LRFN5: variants seen among roughly 807,000 people sequenced by gnomAD.
The protein encoded by LRFN5 is leucine-rich repeat and fibronectin type-III domain-containing protein 5.
In LRFN5, 24 loss-of-function variants were observed where a neutral mutation model predicts 45.6. The ratio of observed to expected loss-of-function variants is 0.53; its 90% CI spans 0.38 to 0.74. LRFN5 has a LOEUF of 0.74. LRFN5 is among the 30% of genes least tolerant of loss of function. The pLI, the probability that LRFN5 is intolerant of heterozygous loss-of-function variation, is 0.00. For synonymous variants in LRFN5, 340 were observed against 313.8 expected (o/e 1.08, Z -0.88); for missense variants, 776 against 861.5 (o/e 0.90, Z 1.24).
intron 2 of LRFN5, among the ~76,000 whole-genome samples, chr14:41,804,067 T>A (rs1383796293): frequency 6.6e-6 from 1 of 152,088 alleles, no homozygotes; most frequent in East Asian, 1.9e-4. Flanking sequence ...TTTCACCATG[T>A]TGGCTAGGCT....
intron 2 of LRFN5, among the ~76,000 whole-genome samples, chr14:41,880,351 T>C (rs891253436): frequency 3.3e-5 from 5 of 152,130 alleles, no homozygotes; most frequent in Non-Finnish European, 5.9e-5. Flanking sequence ...CTCTTTTGTA[T>C]TTATTTTCTA....
intron 1 of LRFN5, among the ~76,000 whole-genome samples, chr14:41,759,273 T>C (rs1885545376): frequency 6.6e-6 from 1 of 152,192 alleles, no homozygotes; most frequent in Non-Finnish European, 1.5e-5. Context: ...CCATACTCCA[T>C]GTGGTCCTTA....
chr14:41,858,643 T>G (rs1889556853), intron 2 of LRFN5, among the ~76,000 whole-genome samples: 2 of 152,302 alleles, frequency 1.3e-5, no homozygotes, highest in Admixed American at 6.5e-5. Flanking sequence ...TTTCTTATCT[T>G]TGTCCTCTGA....
At chr14:41,703,077 G>C (rs1394587904) in intron 1 of LRFN5, among the ~76,000 whole-genome samples, 1 of 152,050 alleles carries the variant, frequency 6.6e-6, no homozygotes, top group African/African-American at 2.4e-5. Context: ...TATAAACTAG[G>C]AATATTTTAA....
chr14:41,854,947 C>T (rs1240702618), intron 2 of LRFN5, among the ~76,000 whole-genome samples: 1 of 152,134 alleles, frequency 6.6e-6, no homozygotes, highest in Non-Finnish European at 1.5e-5. Context: ...TGGCAAGGAA[C>T]CGTGACTGCA....
chr14:41,847,863 C>T (rs1889123123), intron 2 of LRFN5, among the ~76,000 whole-genome samples: 1 of 152,028 alleles, frequency 6.6e-6, no homozygotes, highest in Non-Finnish European at 1.5e-5. Flanking sequence ...GAATTTTTCA[C>T]GCCATTATAT....
intron 1 of LRFN5, among the ~76,000 whole-genome samples, chr14:41,723,009 C>G (rs1883789597): frequency 1.3e-5 from 2 of 152,170 alleles, no homozygotes; most frequent in Admixed American, 1.3e-4. Context: ...ACCTCCTTGG[C>G]CCCAAGCTCT....
chr14:41,779,253 C>CT (rs564256285), intron 2 of LRFN5, among the ~76,000 whole-genome samples: 158 of 151,764 alleles, frequency 1.0e-3, no homozygotes, highest in African/African-American at 3.6e-3. Flanking sequence ...GTTGATATGA[C>CT]TTTTTTTGTT....
At chr14:41,718,265 C>T (rs1883571596) in intron 1 of LRFN5, among the ~76,000 whole-genome samples, 1 of 152,106 alleles carries the variant, frequency 6.6e-6, no homozygotes, top group South Asian at 2.1e-4. Flanking sequence ...AATAGATTCA[C>T]AATAATATGA....
chr14:41,879,359 A>T (rs975656099), intron 2 of LRFN5, among the ~76,000 whole-genome samples: 19 of 147,870 alleles, frequency 1.3e-4, no homozygotes, highest in South Asian at 4.2e-4. Flanking sequence ...TTCCTTTTTT[A>T]AAAAAAATTA....
intron 2 of LRFN5, among the ~76,000 whole-genome samples, chr14:41,880,273 AT>A (rs202210322): frequency 0.074 from 11,241 of 151,620 alleles, 500 homozygotes; most frequent in Middle Eastern, 0.16. Flanking sequence ...TATTATTTCT[AT>A]TTTTTGATCT....
At chr14:41,734,319 T>C (rs1477752335) in intron 1 of LRFN5, among the ~76,000 whole-genome samples, 1 of 61,712 alleles carries the variant, frequency 1.6e-5, no homozygotes, top group South Asian at 5.3e-4. Context: ...ACTGGTTTTA[T>C]ATATATATAT....
intron 1 of LRFN5, among the ~76,000 whole-genome samples, chr14:41,753,694 C>T (rs1435384464): frequency 1.3e-5 from 2 of 152,144 alleles, no homozygotes; most frequent in African/African-American, 4.8e-5. Context: ...TCTAGATAAA[C>T]AATCATGTCA....
At chr14:41,673,541 C>A (rs1409358666) in intron 1 of LRFN5, among the ~76,000 whole-genome samples, 1 of 147,690 alleles carries the variant, frequency 6.8e-6, no homozygotes, top group African/African-American at 2.5e-5. Flanking sequence ...CACCCCTCAC[C>A]TCCCGGACGG....
At chr14:41,812,765 A>G (rs1388237073) in intron 2 of LRFN5, among the ~76,000 whole-genome samples, 1 of 152,166 alleles carries the variant, frequency 6.6e-6, no homozygotes, top group Non-Finnish European at 1.5e-5. Flanking sequence ...TGATGAAACA[A>G]TGTTTTAAAT....
intron 1 of LRFN5, among the ~76,000 whole-genome samples, chr14:41,698,841 A>G (rs1240926286): frequency 1.3e-5 from 2 of 152,118 alleles, no homozygotes; most frequent in African/African-American, 4.8e-5. Flanking sequence ...TTGGCAAAAT[A>G]TAATAATGGG....
intron 2 of LRFN5, among the ~76,000 whole-genome samples, chr14:41,789,839 T>A (rs1431253167): frequency 6.6e-6 from 1 of 152,002 alleles, no homozygotes; most frequent in Non-Finnish European, 1.5e-5. Flanking sequence ...GGTAGGATTT[T>A]TTAAATGTAT....
intron 1 of LRFN5, among the ~76,000 whole-genome samples, chr14:41,731,051 A>G (rs1884153150): frequency 6.6e-6 from 1 of 152,200 alleles, no homozygotes; most frequent in Admixed American, 6.6e-5. Context: ...GACTCTTAAT[A>G]TCTAAGATGT....
intron 1 of LRFN5, among the ~76,000 whole-genome samples, chr14:41,623,982 T>A (rs1888231509): frequency 2.6e-5 from 4 of 152,106 alleles, no homozygotes; most frequent in Admixed American, 2.0e-4. Flanking sequence ...AATGTTCCTG[T>A]TTCCTATAGT....
Sources: gnomAD v4.1 joint callset for allele counts (sites outside exome capture counted in the v4.1 genomes callset) on GRCh38, gnomAD v4.1.1 for gene constraint, MANE v1.5 for transcripts, NCBI Gene and HGNC (gene_info 2026-07-23, HGNC 2026-07-21) for gene names.